PATZ1: variants seen among roughly 807,000 people sequenced by gnomAD.
The protein encoded by PATZ1 is POZ/BTB and AT hook containing zinc finger 1, also known as POZ-, AT hook-, and zinc finger-containing protein 1.
Under a neutral mutation model 46.2 loss-of-function variants are expected in PATZ1, and 9 were observed. That is an observed-to-expected ratio of 0.19 (90% confidence interval 0.12 to 0.34). PATZ1 has a LOEUF of 0.34. Among genes scored for constraint, PATZ1 ranks in the 10% least tolerant of loss-of-function variants. The probability of loss-of-function intolerance (pLI) is 1.00; values close to 1 mark genes in which losing one functional copy is unlikely to be tolerated. For missense variants in PATZ1, 632 were observed against 923.0 expected (o/e 0.68, Z 4.08); for synonymous variants, 426 against 378.6 (o/e 1.13, Z -1.45).
At chr22:31,343,351 G>C in intron 1 of PATZ1, 13 of 991,200 alleles carry the variant, frequency 1.3e-5, no homozygotes, top group Non-Finnish European at 1.4e-5. Context: ...TAGAAACTCA[G>C]CAATCCCCTC....
At chr22:31,344,149 T>G (rs1445910344) in intron 1 of PATZ1, among the ~76,000 whole-genome samples, 183 bp downstream of exon 1, 1 of 152,108 alleles carries the variant, frequency 6.6e-6, no homozygotes, top group African/African-American at 2.4e-5. Flanking sequence ...CCTGAGGGAA[T>G]GGAAAGCAGG....
chr22:31,334,534 T>C (rs903262853), intron 3 of PATZ1, among the ~76,000 whole-genome samples: 7 of 152,234 alleles, frequency 4.6e-5, no homozygotes, highest in African/African-American at 1.7e-4. Flanking sequence ...TGCAGGAGTG[T>C]TGTGCCTGGT....
chr22:31,332,030 G>C (rs1261408262), intron 3 of PATZ1, among the ~76,000 whole-genome samples: 1 of 152,158 alleles, frequency 6.6e-6, no homozygotes, highest in Non-Finnish European at 1.5e-5. Flanking sequence ...AGAATCGCTT[G>C]AACCAAGGAG....
chr22:31,345,770 T>G lies in PATZ1; in HGVS notation c.-168A>C. The stretch of plus-strand genomic sequence containing the variant: ...CGAGTGTACACGCCCCCAGCCCGGA[T>G]CAGACTGTCTAGACTGCGGGGTGCA... On this transcript the variant is annotated 5_prime_UTR_variant, in exon 1 of 5. Transcript: ENST00000266269. The surrounding 1 kb of genome is among the most constrained non-coding windows in gnomAD (Gnocchi z 7.4). 1.5e-6 allele frequency: 1 copy of G among 668,864 alleles called. No homozygotes were observed. Among genetic ancestry groups the G allele is most frequent in the South Asian group, 2.0e-5 (1 of 49,406 alleles). 41.4% of individuals were successfully genotyped at this position (668,864 alleles called of 1,614,324 possible).
chr22:31,344,322 C>G lies in PATZ1; in HGVS notation c.1271+10G>C, dbSNP rs780960822. On this transcript the variant is annotated intron_variant, in intron 1 of 4. Transcript: ENST00000266269. ...GTGTGGCAGGGGAGGAAGAGGGGGC[C>G]TTTCCTCACCTGGAGAAGCCTTTCC... 6.3e-7 allele frequency: 1 copy of G among 1,583,906 alleles called. No homozygotes were observed. The highest frequency in any genetic ancestry group is 1.4e-5 in the African/African-American group (1 of 74,066).
rs199906334 is a variant in PATZ1, at chr22:31,326,987, G to A, written c.1968C>T (p.Leu656=). The A allele has an allele frequency of 2.1e-5, 34 of 1,614,056 alleles. No homozygotes were observed. The highest frequency in any genetic ancestry group is 2.7e-5 in the African/African-American group (2 of 74,928). ...GAACAATCTGAAACCCAAAGGACTC[G>A]AGGAGAGACATGTTCTGCTGAGGAG... ...PFSPQQNMSL[L]ESFGFQIVQS... is the part of the protein sequence containing the mutation. Residue 656 remains leucine, a synonymous_variant, in exon 5 of 5, where the codon CTC becomes CTT. Coordinates refer to ENST00000266269, the MANE Select transcript of PATZ1 (RefSeq NM_014323.3).
rs961163831 is a variant in PATZ1, at chr22:31,328,731, G to A, written c.1645+56C>T. ...CCCGCCTCCCCACGCCCAGCCCAGC[G>A]CCCCCACAACACAGTCTGCGCAGAG... On this transcript the variant is annotated intron_variant, in intron 4 of 4. Transcript: ENST00000266269. The surrounding 1 kb of genome is among the most constrained non-coding windows in gnomAD (Gnocchi z 4.8). The A allele has an allele frequency of 6.4e-6, 10 of 1,557,852 alleles. No individual in the cohort carries two copies. Among genetic ancestry groups the A allele is most frequent in the African/African-American group, 1.4e-5 (1 of 73,770 alleles).
At position 31,344,378 on chromosome 22, in the gene PATZ1, C is replaced by G. The variant is rs1184563521; in HGVS notation, c.1225G>C (p.Val409Leu). 4 of 1,613,652 alleles carry G rather than the reference C, an allele frequency of 2.5e-6. No individual in the cohort carries two copies. Among genetic ancestry groups the G allele is most frequent in the African/African-American group, 1.3e-5 (1 of 74,920 alleles). The change falls in exon 1 of 5, where the codon GTG (valine) becomes CTG (leucine). Residue 409 changes from valine to leucine, a missense_variant. Coordinates refer to ENST00000266269, the MANE Select transcript of PATZ1 (RefSeq NM_014323.3). ...CTCTGGCAGATGTAAGGCTTGCCCA[C>G]GGACCCATCATGGGACCGCACATGG... The part of the protein sequence containing the change: ...SYHVRSHDGS[V>L]GKPYICQSCG...
intron 2 of PATZ1, 35 bp downstream of exon 2, chr22:31,342,862 C>G (rs774281614): frequency 1.2e-6 from 2 of 1,611,562 alleles, no homozygotes; most frequent in Non-Finnish European, 1.7e-6. Flanking sequence ...AGCATCATCT[C>G]CTTCAGCCCA....
At position 31,346,015 on chromosome 22, in the gene PATZ1, TCCGCCGCGCAGGCGCGCGCGC is replaced by T. The variant is rs1276252200; in HGVS notation, c.-434_-414del. 1 of 179,594 alleles carries T rather than the reference TCCGCCGCGCAGGCGCGCGCGC, an allele frequency of 5.6e-6. No individual in the cohort carries two copies. Among genetic ancestry groups the T allele is most frequent in the African/African-American group, 2.4e-5 (1 of 41,172 alleles). The allele number at this position is 179,594 out of a possible 1,614,324, so 11.1% of individuals were successfully genotyped here. A position where few individuals can be genotyped will look rare whatever the true frequency, so the allele number is the denominator to read the frequency against. ...CGCACGCGGGGAGGAGAAGGAGGGG[TCCGCCGCGCAGGCGCGCGCGC>T]GCGCCGCGGCTTTTCCCGGGCCCGC... On this transcript the variant is annotated 5_prime_UTR_variant, in exon 1 of 5. Transcript: ENST00000266269.
At chr22:31,339,007 A>G (rs2049547353) in intron 2 of PATZ1, among the ~76,000 whole-genome samples, 1 of 152,168 alleles carries the variant, frequency 6.6e-6, no homozygotes, top group Non-Finnish European at 1.5e-5. Context: ...CACAAGAGGG[A>G]TAGGAAAGAG....
Position 31,344,379 on chromosome 22 carries a change from G to A in PATZ1, c.1224C>T (p.Ser408=). ...MSYHVRSHDG[S]VGKPYICQSC... is the part of the protein sequence containing the mutation. ...TCTGGCAGATGTAAGGCTTGCCCAC[G>A]GACCCATCATGGGACCGCACATGGT... Residue 408 remains serine (S), a synonymous_variant, in exon 1 of 5, where the codon TCC becomes TCT. Coordinates refer to ENST00000266269, the MANE Select transcript of PATZ1 (RefSeq NM_014323.3). The A allele has an allele frequency of 6.2e-7, 1 of 1,613,966 alleles. No homozygotes were observed. The highest frequency in any genetic ancestry group is 8.5e-7 in the Non-Finnish European group (1 of 1,179,886).
In PATZ1 at chr22:31,346,158, G is replaced by C. The variant is rs1213218890; in HGVS notation, c.-556C>G. The C allele has an allele frequency of 3.4e-5, 5 of 147,686 alleles. No individual in the cohort carries two copies. Among genetic ancestry groups the C allele is most frequent in the Admixed American group, 1.4e-4 (2 of 14,738 alleles). The allele number at this position is 147,686 out of a possible 1,614,324, so 9.1% of individuals were successfully genotyped here. The stretch of plus-strand genomic sequence containing the variant: ...CGAAGGCGAAGGCGGCGGCGGCGGG[G>C]CGCGCACGGGGGCGGTGGCGCGGGC... On this transcript the variant is annotated 5_prime_UTR_variant, in exon 1 of 5. Coordinates refer to ENST00000266269, the MANE Select transcript of PATZ1 (RefSeq NM_014323.3).
chr22:31,345,727 GT>G lies in PATZ1; in HGVS notation c.-126del. 3.0e-6 allele frequency: 3 copies of G among 999,710 alleles called. No homozygotes were observed. Among genetic ancestry groups the G allele is most frequent in the Non-Finnish European group, 4.3e-6 (3 of 704,370 alleles). 61.9% of individuals were successfully genotyped at this position (999,710 alleles called of 1,614,324 possible). On this transcript the variant is annotated 5_prime_UTR_variant, in exon 1 of 5. Transcript: ENST00000266269. This position sits in a 1 kb window ranked among gnomAD's most constrained non-coding sequence, Gnocchi z 7.4. ...CCCACACGTGCCGGCCCGAGGCTCT[GT>G]AGTCTCGCAGGTGCGCCGAGTGTAC...
rs1317539422 is a variant in PATZ1 at position 31,328,669 on chromosome 22, T to C, written c.1645+118A>G. ...TGGAGGCCACTGCCACTCAGATCTC[T>C]GAGTCTCCTCAAGGCAGCCAGAAAG... On this transcript the variant is annotated intron_variant, in intron 4 of 4. Coordinates refer to ENST00000266269, the MANE Select transcript of PATZ1 (RefSeq NM_014323.3). The surrounding 1 kb of genome is among the most constrained non-coding windows in gnomAD (Gnocchi z 4.8). 1 of 874,322 alleles carries C rather than the reference T, an allele frequency of 1.1e-6. No individual in the cohort carries two copies. The highest frequency in any genetic ancestry group is 1.9e-6 in the Non-Finnish European group (1 of 534,878). The allele number at this position is 874,322 out of a possible 1,614,324, so 54.2% of individuals were successfully genotyped here. A position where few individuals can be genotyped will look rare whatever the true frequency, so the allele number is the denominator to read the frequency against.
chr22:31,342,490 C>A (rs1263266341), intron 2 of PATZ1, among the ~76,000 whole-genome samples: 1 of 152,090 alleles, frequency 6.6e-6, no homozygotes, highest in Non-Finnish European at 1.5e-5. Context: ...GGCTGGACCA[C>A]CAGGAGCCCT....
In PATZ1 at chr22:31,327,077, C is replaced by T. The variant is rs2049377635; in HGVS notation, c.1878G>A (p.Lys626=). The T allele has an allele frequency of 1.2e-6, 2 of 1,614,112 alleles. No individual in the cohort carries two copies. The highest frequency in any genetic ancestry group is 1.6e-4 in the Middle Eastern group (1 of 6,062). ...GGCCCCCGAGAGCCCGGACATGCAC[C>T]TTCTGGATGTGTTTGTTCAAGTAGG... ...SKSYLNKHIQ[K]VHVRALGGPL... is the part of the protein sequence containing the mutation. Residue 626 remains lysine, a synonymous_variant, in exon 5 of 5, where the codon AAG becomes AAA. Coordinates refer to ENST00000266269, the MANE Select transcript of PATZ1 (RefSeq NM_014323.3). This position sits in a 1 kb window ranked among gnomAD's most constrained non-coding sequence, Gnocchi z 4.2.
intron 1 of PATZ1, chr22:31,343,376 G>A (rs2049607623): frequency 5.1e-6 from 5 of 987,652 alleles, no homozygotes; most frequent in African/African-American, 1.7e-5. Context: ...AGCCTCTCCC[G>A]CCACGGGCAG....
At chr22:31,340,265 ACTTAAG>A (rs2049563554) in intron 2 of PATZ1, among the ~76,000 whole-genome samples, 2 of 152,144 alleles carry the variant, frequency 1.3e-5, no homozygotes, top group Admixed American at 1.3e-4. Context: ...TGGCCTTTCT[ACTTAAG>A]CTATGGCACT....
Sources: gnomAD v4.1 joint callset for allele counts (sites outside exome capture counted in the v4.1 genomes callset) on GRCh38, gnomAD v4.1.1 for gene constraint, Gnocchi (gnomAD v3.1) non-coding constraint, MANE v1.5 for transcripts, NCBI Gene and HGNC (gene_info 2026-07-23, HGNC 2026-07-21) for gene names.